Variants in RBFOX3 observed in about 807,000 individuals in gnomAD.
RBFOX3 encodes RNA binding protein fox-1 homolog 3.
A neutral mutation model predicts 48.7 loss-of-function variants in RBFOX3; 17 were observed. The observed-to-expected ratio is 0.35, with a 90% CI of 0.24 to 0.52. The LOEUF (loss-of-function observed/expected upper bound fraction) is 0.52, where lower values mean the gene tolerates loss of function less well. Among genes scored for constraint, RBFOX3 ranks in the 20% least tolerant of loss-of-function variants. RBFOX3 has a pLI of 0.94. For missense variants in RBFOX3, 382 were observed against 497.5 expected, an observed-to-expected ratio of 0.77 and a Z score of 2.21; for synonymous variants, 212 against 209.5, an observed-to-expected ratio of 1.01 and a Z score of -0.10.
intron 12 of RBFOX3, 119 bp from the exon 13 acceptor site, chr17:79,095,693 C>G: frequency 1.2e-6 from 1 of 832,046 alleles, no homozygotes; most frequent in Non-Finnish European, 1.9e-6. Flanking sequence ...GACTACAGAC[C>G]TTCCCAGCCT....
chr17:79,533,992 A>G (rs782745214), intron 1 of RBFOX3, among the ~76,000 whole-genome samples: 5 of 152,190 alleles, frequency 3.3e-5, no homozygotes, highest in Non-Finnish European at 7.3e-5. Context: ...TTTCCATTTA[A>G]CTCTATGTCA....
At chr17:79,447,148 G>A (rs1312746007) in intron 2 of RBFOX3, among the ~76,000 whole-genome samples, 3 of 152,176 alleles carry the variant, frequency 2.0e-5, no homozygotes, top group East Asian at 1.9e-4. Context: ...TGAATTTGTC[G>A]GCAGTAAACA....
intron 4 of RBFOX3, among the ~76,000 whole-genome samples, chr17:79,122,180 G>A (rs1267580344): frequency 2.6e-5 from 4 of 152,206 alleles, no homozygotes; most frequent in Admixed American, 6.5e-5. Flanking sequence ...CACTGGCTCC[G>A]CCTCCAGCCG....
chr17:79,304,604 C>A (rs1406491770), intron 3 of RBFOX3, among the ~76,000 whole-genome samples: 1 of 151,856 alleles, frequency 6.6e-6, no homozygotes, highest in East Asian at 1.9e-4. Flanking sequence ...TTTTTCTTGT[C>A]TGTATTTTCC....
At chr17:79,302,278 T>C (rs1016940026) in intron 3 of RBFOX3, among the ~76,000 whole-genome samples, 23 of 152,170 alleles carry the variant, frequency 1.5e-4, no homozygotes, top group African/African-American at 5.6e-4. Context: ...ATTTCATGGA[T>C]AAGAAACCAA....
intron 2 of RBFOX3, among the ~76,000 whole-genome samples, chr17:79,367,836 T>C (rs1283168857): frequency 6.6e-6 from 1 of 152,066 alleles, no homozygotes; most frequent in African/African-American, 2.4e-5. Context: ...GGAAGGCTGC[T>C]CACCTGAAGG....
chr17:79,405,541 C>T (rs752449179), intron 2 of RBFOX3, among the ~76,000 whole-genome samples: 1 of 151,944 alleles, frequency 6.6e-6, no homozygotes, highest in African/African-American at 2.4e-5. Flanking sequence ...GGCAACATGG[C>T]GAAACCCTGT....
In RBFOX3 at chr17:79,193,942, G is replaced by A. The variant is rs182855556; in HGVS notation, c.-34+41824C>T. Among the ~76,000 whole-genome samples the A allele has an allele frequency of 3.6e-3, 541 of 152,232 alleles. 1 individual carries two copies. The highest frequency in any genetic ancestry group is 0.014 in the Middle Eastern group (4 of 294). On this transcript the variant is annotated intron_variant, in intron 4 of 14. Transcript: ENST00000693108. ...GAGCAGGCCTGATGGTGGAGGAGGT[G>A]GGAGTGGGAGAGCATGAAGGGAGGA...
At chr17:79,584,005 T>A in intron 1 of RBFOX3, among the ~76,000 whole-genome samples, 1 of 151,412 alleles carries the variant, frequency 6.6e-6, no homozygotes, top group South Asian at 2.1e-4. Flanking sequence ...GAGTTGGGAG[T>A]GGTGCTGTCC....
chr17:79,169,630 C>T (rs747559053), intron 4 of RBFOX3, among the ~76,000 whole-genome samples: 14 of 152,198 alleles, frequency 9.2e-5, no homozygotes, highest in Admixed American at 3.3e-4. Flanking sequence ...GGTGTGGTCC[C>T]GTGGCATGAG....
intron 1 of RBFOX3, among the ~76,000 whole-genome samples, chr17:79,558,746 G>A (rs1469896410): frequency 2.6e-5 from 4 of 152,198 alleles, no homozygotes; most frequent in East Asian, 1.9e-4. Flanking sequence ...CACAGTGCGC[G>A]GAGGCTGCGT....
chr17:79,306,839 C>A (rs1231704712), intron 3 of RBFOX3, among the ~76,000 whole-genome samples: 1 of 152,152 alleles, frequency 6.6e-6, no homozygotes, highest in East Asian at 1.9e-4. Flanking sequence ...ATCCTCAGAC[C>A]CGCCAGCCTG....
At chr17:79,104,240 GC>G in intron 6 of RBFOX3, 114 bp from the exon 7 acceptor site, 3 of 979,802 alleles carry the variant, frequency 3.1e-6, no homozygotes, top group Non-Finnish European at 4.7e-6. Context: ...TCTGCCCTCG[GC>G]CCCCAGCTTG....
chr17:79,093,948 A>G (rs954471302), intron 14 of RBFOX3, among the ~76,000 whole-genome samples: 3 of 152,102 alleles, frequency 2.0e-5, no homozygotes, highest in Non-Finnish European at 4.4e-5. Context: ...GGAAGCCAGG[A>G]GCTAGAGCCT....
At chr17:79,573,227 T>G (rs1420702241) in intron 1 of RBFOX3, among the ~76,000 whole-genome samples, 1 of 152,034 alleles carries the variant, frequency 6.6e-6, no homozygotes, top group Non-Finnish European at 1.5e-5. Flanking sequence ...CCACTGGAAA[T>G]ACTTCCTCCA....
chr17:79,543,439 C>T (rs2089990005), intron 1 of RBFOX3, among the ~76,000 whole-genome samples: 1 of 152,002 alleles, frequency 6.6e-6, no homozygotes, highest in Non-Finnish European at 1.5e-5. Context: ...GGTAGAATTT[C>T]CCCTCCTGAC....
chr17:79,287,076 G>A (rs141742891), intron 3 of RBFOX3, among the ~76,000 whole-genome samples: 43 of 152,374 alleles, frequency 2.8e-4, no homozygotes, highest in African/African-American at 9.6e-4. Flanking sequence ...GGGGCAAGCA[G>A]GATAGCTTTA....
chr17:79,526,494 T>G (rs2086815964), intron 1 of RBFOX3, among the ~76,000 whole-genome samples: 1 of 152,238 alleles, frequency 6.6e-6, no homozygotes, highest in South Asian at 2.1e-4. Flanking sequence ...GTCAGGACAG[T>G]GGCCTGAATG....
chr17:79,380,573 G>A (rs755774323), intron 2 of RBFOX3, among the ~76,000 whole-genome samples: 19 of 152,318 alleles, frequency 1.2e-4, no homozygotes, highest in Admixed American at 2.0e-4. Flanking sequence ...AGCAGGGACC[G>A]TTTACTGCAG....
Sources: gnomAD v4.1 joint callset for allele counts (sites outside exome capture counted in the v4.1 genomes callset) on GRCh38, gnomAD v4.1.1 for gene constraint, MANE v1.5 for transcripts, NCBI Gene and HGNC (gene_info 2026-07-23, HGNC 2026-07-21) for gene names.